P4HA1: variants seen among roughly 807,000 people sequenced by gnomAD.
P4HA1 encodes prolyl 4-hydroxylase subunit alpha-1.
A neutral mutation model predicts 72.8 loss-of-function variants in P4HA1; 24 were observed. The observed-to-expected ratio is 0.33, with a 90% CI of 0.24 to 0.46. P4HA1 has a LOEUF of 0.46. Ranked by LOEUF, P4HA1 falls within the 20% of genes least tolerant of loss-of-function variation. The pLI is 1.00. For synonymous variants in P4HA1, 201 were observed against 218.8 expected, an observed-to-expected ratio of 0.92 and a Z score of 0.72; for missense variants, 446 against 640.6, an observed-to-expected ratio of 0.70 and a Z score of 3.28.
chr10:73,048,514 CT>C (rs1304150859), intron 7 of P4HA1, among the ~76,000 whole-genome samples: 2 of 152,180 alleles, frequency 1.3e-5, no homozygotes, highest in Non-Finnish European at 2.9e-5. Flanking sequence ...ATCCACCCAC[CT>C]TGGCCTCCCA....
At chr10:73,078,080 A>C (rs577865957) in intron 1 of P4HA1, among the ~76,000 whole-genome samples, 115 of 151,600 alleles carry the variant, frequency 7.6e-4, no homozygotes, top group Non-Finnish European at 5.9e-5. Context: ...AAAAAAAAAA[A>C]AAAAAAACCT....
chr10:73,071,929 T>C lies in P4HA1; in HGVS notation c.325+100A>G. The C allele has an allele frequency of 4.5e-6, 4 of 896,740 alleles. No homozygotes were observed. In the East Asian group the frequency reaches 9.8e-5, roughly 22 times the overall value. The allele number at this position is 896,740 out of a possible 1,614,324, so 55.5% of individuals were successfully genotyped here. Reference sequence around the variant, plus strand: ...CCCAGGCATAATCCAGTTACAACACTGAACTGAACTGGTTTCCTGGGAACT... The same window carrying C: ...CCCAGGCATAATCCAGTTACAACACCGAACTGAACTGGTTTCCTGGGAACT... On this transcript the variant is annotated intron_variant, in intron 4 of 14. Transcript: ENST00000394890.
intron 1 of P4HA1, 42 bp downstream of exon 1, chr10:73,096,724 T>G (rs1055984079): frequency 6.5e-6 from 1 of 153,520 alleles, no homozygotes; most frequent in African/African-American, 2.4e-5. Context: ...GGTCCACGGC[T>G]GCCCAGTGGC....
chr10:73,011,963 A>G (rs1357128159), intron 12 of P4HA1, among the ~76,000 whole-genome samples: 1 of 152,220 alleles, frequency 6.6e-6, no homozygotes, highest in Non-Finnish European at 1.5e-5. Flanking sequence ...CACTTAACCA[A>G]TGAAAAAATT....
chr10:73,073,289 T>C (rs1841610733), intron 3 of P4HA1, among the ~76,000 whole-genome samples: 2 of 147,904 alleles, frequency 1.4e-5, no homozygotes, highest in Admixed American at 1.3e-4. Context: ...TGGCACAATC[T>C]TGGCTCACTG....
At chr10:73,064,265 A>T (rs1443133076) in intron 5 of P4HA1, among the ~76,000 whole-genome samples, 1 of 152,116 alleles carries the variant, frequency 6.6e-6, no homozygotes, top group African/African-American at 2.4e-5. Flanking sequence ...GCTTGAGCTC[A>T]GGAGTTCGAA....
intron 10 of P4HA1, among the ~76,000 whole-genome samples, chr10:73,028,347 A>AC (rs1840345050): frequency 7.2e-6 from 1 of 139,562 alleles, no homozygotes; most frequent in Non-Finnish European, 1.5e-5. Context: ...CACACACACA[A>AC]AATACATTTT....
intron 4 of P4HA1, among the ~76,000 whole-genome samples, chr10:73,071,778 C>CTATA (rs143349333): frequency 0.051 from 7,718 of 152,072 alleles, 596 homozygotes; most frequent in African/African-American, 0.17. Flanking sequence ...AGAAATGAAG[C>CTATA]TATATGCCAA....
rs545176461 is a variant in P4HA1, at chr10:73,063,177, A to AT, written c.463+5668dup. Among the ~76,000 whole-genome samples, 599 of 152,328 alleles carry AT rather than the reference A, an allele frequency of 3.9e-3. 10 individuals carry two copies. Among genetic ancestry groups the AT allele is most frequent in the African/African-American group, 0.014 (574 of 41,562 alleles). On this transcript the variant is annotated intron_variant, in intron 5 of 14. Transcript: ENST00000394890. ...GACTGGATAATTTATAAAAAAACAA[A>AT]TTTATTTTCTCACAGTTCTAGAGGC... is the stretch of plus-strand genomic sequence containing the variant.
chr10:73,095,836 G>T (rs1263840520), intron 1 of P4HA1, among the ~76,000 whole-genome samples: 1 of 152,190 alleles, frequency 6.6e-6, no homozygotes, highest in Non-Finnish European at 1.5e-5. Context: ...CATTGAATTT[G>T]TATGTAACAG....
chr10:73,016,961 C>A, intron 10 of P4HA1, 62 bp from the exon 11 acceptor site: 1 of 1,297,362 alleles, frequency 7.7e-7, no homozygotes, highest in East Asian at 2.4e-5. Flanking sequence ...CAAAAAAAAT[C>A]TATGAACCTC....
At chr10:73,034,823 T>C (rs1191474563) in intron 9 of P4HA1, among the ~76,000 whole-genome samples, 1 of 152,054 alleles carries the variant, frequency 6.6e-6, no homozygotes, top group Non-Finnish European at 1.5e-5. Context: ...TCAGGCAATC[T>C]GCCTGCCTCA....
chr10:73,024,400 A>C (rs868040312), intron 10 of P4HA1, among the ~76,000 whole-genome samples: 7 of 152,190 alleles, frequency 4.6e-5, no homozygotes, highest in East Asian at 3.9e-4. Flanking sequence ...CTACTGGGTA[A>C]ATAACGAAAT....
chr10:73,070,377 G>A (rs748344897), intron 4 of P4HA1, among the ~76,000 whole-genome samples: 2 of 151,434 alleles, frequency 1.3e-5, no homozygotes, highest in African/African-American at 4.9e-5. Context: ...AGCTCCTCTC[G>A]AACTCCTGAC....
chr10:73,075,134 CAG>C (rs1841667387), intron 1 of P4HA1, among the ~76,000 whole-genome samples: 1 of 151,990 alleles, frequency 6.6e-6, no homozygotes, highest in Non-Finnish European at 1.5e-5. Flanking sequence ...TCTTTTGAAA[CAG>C]AGTCTCTGTC....
intron 1 of P4HA1, among the ~76,000 whole-genome samples, chr10:73,080,886 C>G (rs745394436): frequency 3.1e-4 from 47 of 152,290 alleles, no homozygotes; most frequent in Non-Finnish European, 5.3e-4. Flanking sequence ...TGAGATTGCG[C>G]CACTGCACTC....
At chr10:73,051,597 T>C (rs1026932015) in intron 6 of P4HA1, among the ~76,000 whole-genome samples, 5 of 152,028 alleles carry the variant, frequency 3.3e-5, no homozygotes, top group Non-Finnish European at 7.4e-5. Flanking sequence ...TCGTCTCTAC[T>C]AAAAATACAA....
At chr10:73,012,676 A>G (rs1242881069) in intron 12 of P4HA1, among the ~76,000 whole-genome samples, 1 of 152,208 alleles carries the variant, frequency 6.6e-6, no homozygotes. Context: ...GAACAGACAG[A>G]TTTTGGTAGG....
At position 73,051,153 on chromosome 10, in the gene P4HA1, G is replaced by C. The variant is rs1353737581; in HGVS notation, c.800C>G (p.Ser267Cys). Residue 267 changes from serine (S) to cysteine (C), a missense_variant, in exon 7 of 15, where the codon TCT (serine) becomes TGT (cysteine). Coordinates refer to ENST00000394890, the MANE Select transcript of P4HA1 (RefSeq NM_001017962.3). ...TTTCTTTGGTGTAGTTTTCTGATCA[G>C]ATTGGTCATCTGAAGCAGACTTATT... ...DVNKSASDDQ[S>C]DQKTTPKKKG... 1 of 1,612,832 alleles carries C rather than the reference G, an allele frequency of 6.2e-7. No homozygotes were observed. The highest frequency in any genetic ancestry group is 1.7e-5 in the Admixed American group (1 of 60,008).
Sources: allele counts gnomAD v4.1 joint callset (sites outside exome capture counted in the v4.1 genomes callset), GRCh38; gene constraint gnomAD v4.1.1; transcripts MANE v1.5; gene names NCBI Gene and HGNC (gene_info 2026-07-23, HGNC 2026-07-21).